Variants in MAGT1 observed in about 807,000 individuals in gnomAD.
MAGT1 encodes dolichyl-diphosphooligosaccharide--protein glycosyltransferase subunit MAGT1.
Under a neutral mutation model 28.4 loss-of-function variants are expected in MAGT1, and 4 were observed. The observed-to-expected ratio is 0.14, with a 90% CI of 0.07 to 0.32. MAGT1 has a LOEUF of 0.32. MAGT1 is among the 10% of genes least tolerant of loss of function. The pLI is 1.00. For missense variants in MAGT1, 193 were observed against 264.5 expected (o/e 0.73, Z 1.88); for synonymous variants, 89 against 89.7 (o/e 0.99, Z 0.04).
intron 8 of MAGT1, among the ~76,000 whole-genome samples, chrX:77,834,935 T>A (rs187835170): frequency 1.8e-4 from 19 of 108,380 alleles, no homozygotes; most frequent in South Asian, 8.0e-4. Flanking sequence ...AAACTAATGA[T>A]CTGATCGAAA....
chrX:77,841,275 G>A lies in MAGT1; in HGVS notation c.872C>T (p.Thr291Ile), dbSNP rs782748807. The A allele has an allele frequency of 2.5e-6, 3 of 1,207,897 alleles. No homozygotes were observed. The highest frequency in any genetic ancestry group is 3.4e-6 in the Non-Finnish European group (3 of 892,361). The change falls in exon 8 of 10, where the codon ACC becomes ATC. Residue 291 changes from threonine to isoleucine, a missense_variant. Physicochemically the swap from Thr to Ile is moderately conservative, Grantham distance 89 (BLOSUM62 -1). Transcript: ENST00000618282. The stretch of plus-strand genomic sequence containing the variant: ...TCGCTTTCCAATATCCATGTCAGAG[G>A]TAGCAGCTTCACATAAAAGCACCAT... ...LGMVLLCEAA[T>I]SDMDIGKRKI...
In MAGT1 at chrX:77,829,062, G is replaced by T; in HGVS notation, c.*158C>A. ...TTTTGACAGAGGATTGCTTGTTAAG[G>T]CACTACACATCTTCTTTGGTTAAAT... On this transcript the variant is annotated 3_prime_UTR_variant, in exon 10 of 10. Coordinates refer to ENST00000618282, the MANE Select transcript of MAGT1 (RefSeq NM_001367916.1). The T allele has an allele frequency of 4.5e-6, 2 of 445,930 alleles. No individual in the cohort carries two copies. Among genetic ancestry groups the T allele is most frequent in the Non-Finnish European group, 8.1e-6 (2 of 248,126 alleles). 36.7% of individuals were successfully genotyped at this position (445,930 alleles called of 1,213,427 possible). A position where few individuals can be genotyped will look rare whatever the true frequency, so the allele number is the denominator to read the frequency against.
chrX:77,884,486 G>A (rs1028597027), intron 1 of MAGT1, among the ~76,000 whole-genome samples: 4 of 110,966 alleles, frequency 3.6e-5, no homozygotes, highest in Non-Finnish European at 7.5e-5. Context: ...GGATTGGAGA[G>A]GTTAAACAAC....
intron 3 of MAGT1, among the ~76,000 whole-genome samples, chrX:77,859,745 T>C (rs2076989990): frequency 9.0e-6 from 1 of 110,624 alleles, no homozygotes; most frequent in Non-Finnish European, 1.9e-5. Flanking sequence ...TGGGTGCCTG[T>C]AATCCCAGTT....
chrX:77,830,833 TA>T lies in MAGT1; in HGVS notation c.963del (p.Phe321LeufsTer13). 1 of 1,158,863 alleles carries T rather than the reference TA, an allele frequency of 8.6e-7. No individual in the cohort carries two copies. Among genetic ancestry groups the T allele is most frequent in the Non-Finnish European group, 1.2e-6 (1 of 860,990 alleles). On this transcript the variant is annotated frameshift_variant, in exon 9 of 10. Coordinates refer to ENST00000618282, the MANE Select transcript of MAGT1 (RefSeq NM_001367916.1). LOFTEE classifies it high-confidence loss of function. Reference sequence around the variant, plus strand: ...TATGGGTAGCCATGATATTTAGATCTAAAAATAGAGAGCATCCAACTGAAGA... The same window carrying T: ...TATGGGTAGCCATGATATTTAGATCTAAAATAGAGAGCATCCAACTGAAGA... Reference protein sequence around the residue: ...VLFFSWMLSIFRSKYHGYPYS... With the variant: ...VLFFSWMLSIXRSKYHGYPYS...
chrX:77,894,085 G>C (rs1331407842), intron 1 of MAGT1, among the ~76,000 whole-genome samples: 7 of 111,713 alleles, frequency 6.3e-5, no homozygotes, highest in African/African-American at 2.3e-4. Context: ...CTTATATATA[G>C]GGGATGCTGT....
chrX:77,845,796 T>C (rs373478175), intron 7 of MAGT1, among the ~76,000 whole-genome samples: 2 of 112,247 alleles, frequency 1.8e-5, no homozygotes, highest in Non-Finnish European at 3.8e-5. Flanking sequence ...GAGTTTCTGC[T>C]GAGAGATCAG....
chrX:77,844,363 C>T (rs1251169016), intron 7 of MAGT1, among the ~76,000 whole-genome samples: 22 of 111,055 alleles, frequency 2.0e-4, no homozygotes, highest in African/African-American at 3.6e-4. Flanking sequence ...GTCTTGCTAG[C>T]GGTCTATCAA....
At chrX:77,830,966 T>C in intron 8 of MAGT1, 71 bp from the exon 9 acceptor site, 1 of 329,091 alleles carries the variant, frequency 3.0e-6, no homozygotes, top group East Asian at 5.7e-5. Context: ...GTCTATACTT[T>C]CTTTTTTTAT....
chrX:77,833,197 G>C (rs2076904094), intron 8 of MAGT1, among the ~76,000 whole-genome samples: 1 of 112,055 alleles, frequency 8.9e-6, no homozygotes, highest in Admixed American at 9.6e-5. Flanking sequence ...TGAATCTTTG[G>C]CCAACAACTG....
intron 3 of MAGT1, chrX:77,868,713 G>C (rs2077013407): frequency 3.7e-6 from 1 of 272,016 alleles, no homozygotes; most frequent in African/African-American, 2.8e-5. Flanking sequence ...CCAGCTACTT[G>C]GGAGGCTGAG....
chrX:77,895,226 A>G, intron 1 of MAGT1, 83 bp downstream of exon 1: 1 of 1,061,329 alleles, frequency 9.4e-7, no homozygotes, highest in South Asian at 1.9e-5. Flanking sequence ...GCGGCAGGGA[A>G]AGGGGGCTGG....
At chrX:77,833,251 T>C (rs2076904282) in intron 8 of MAGT1, among the ~76,000 whole-genome samples, 1 of 112,363 alleles carries the variant, frequency 8.9e-6, no homozygotes, top group African/African-American at 3.2e-5. Context: ...CTACATTTTC[T>C]AGGATTTGAC....
At position 77,870,803 on chromosome X, in the gene MAGT1, C is replaced by T. The variant is rs1557217278; in HGVS notation, c.390+5G>A. The T allele has an allele frequency of 1.8e-6, 2 of 1,125,283 alleles. No homozygotes were observed. Among genetic ancestry groups the T allele is most frequent in the South Asian group, 3.6e-5 (2 of 55,058 alleles). The allele number at this position is 1,125,283 out of a possible 1,213,427, so 92.7% of individuals were successfully genotyped here. A position where few individuals can be genotyped will look rare whatever the true frequency, so the allele number is the denominator to read the frequency against. ...TTATATAGCAGAATAAACCAAAGAT[C>T]TTACCATCTGAAATACATCAGAGCC... On this transcript the variant is annotated splice_donor_5th_base_variant and intron_variant, in intron 3 of 9. Transcript: ENST00000618282.
chrX:77,868,774 T>C (rs2077013532), intron 3 of MAGT1: 2 of 216,339 alleles, frequency 9.2e-6, no homozygotes, highest in African/African-American at 5.8e-5. Context: ...TGAGCCAAGA[T>C]TGTGCCATTG....
At chrX:77,883,064 TA>T (rs1478936943) in intron 1 of MAGT1, among the ~76,000 whole-genome samples, 16 of 99,336 alleles carry the variant, frequency 1.6e-4, no homozygotes, top group East Asian at 2.9e-4. Context: ...ATTAATATAA[TA>T]ATATAATATA....
chrX:77,829,301 T>C, intron 9 of MAGT1, 66 bp from the exon 10 acceptor site: 1 of 948,087 alleles, frequency 1.1e-6, no homozygotes, highest in South Asian at 2.0e-5. Flanking sequence ...TTTTAATCAA[T>C]AAGCAGTATG....
intron 6 of MAGT1, among the ~76,000 whole-genome samples, chrX:77,854,938 T>C (rs189752769): frequency 1.6e-4 from 18 of 112,060 alleles, no homozygotes; most frequent in African/African-American, 5.8e-4. Flanking sequence ...TTCTATTTAG[T>C]TGAAGGCTGT....
intron 7 of MAGT1, among the ~76,000 whole-genome samples, chrX:77,842,486 G>A (rs2076937741): frequency 9.0e-6 from 1 of 111,403 alleles, no homozygotes; most frequent in Admixed American, 9.6e-5. Flanking sequence ...AGCCTTTAAA[G>A]CACAAATTAC....
Sources: allele counts gnomAD v4.1 joint callset (sites outside exome capture counted in the v4.1 genomes callset), GRCh38; gene constraint gnomAD v4.1.1; transcripts MANE v1.5; gene names NCBI Gene and HGNC (gene_info 2026-07-23, HGNC 2026-07-21).